The following YLPM1 variants were observed in gnomAD, a reference collection of about 807,000 sequenced individuals.
YLPM1 encodes YLP motif containing 1.
In YLPM1, 99 loss-of-function variants were observed where a neutral mutation model predicts 230.0. The ratio of observed to expected loss-of-function variants is 0.43; its 90% CI spans 0.37 to 0.51. YLPM1 has a LOEUF of 0.51. Among genes scored for constraint, YLPM1 ranks in the 20% least tolerant of loss-of-function variants. The pLI is 0.00. For synonymous variants in YLPM1, 984 were observed against 942.5 expected (o/e 1.04, Z -0.81); for missense variants, 2,592 against 2,707.7 (o/e 0.96, Z 0.95).
intron 1 of YLPM1, among the ~76,000 whole-genome samples, chr14:74,778,187 A>G (rs943923347): frequency 1.3e-5 from 2 of 152,208 alleles, no homozygotes; most frequent in Non-Finnish European, 2.9e-5. Context: ...CTCCAAAAGC[A>G]TGTGTTTTAT....
Position 74,812,795 on chromosome 14 carries a change from A to G in YLPM1, c.5502+13A>G. On this transcript the variant is annotated intron_variant, in intron 11 of 20. Coordinates refer to ENST00000325680, the MANE Select transcript of YLPM1 (RefSeq NM_019589.3). ...CAGACCTGAGAGAGTGAGTCCTATGAAGTTGATTCGTCTTCGTGCAAACCA... is the reference window on the plus strand; with the variant it reads ...CAGACCTGAGAGAGTGAGTCCTATGGAGTTGATTCGTCTTCGTGCAAACCA... 1 of 1,609,580 alleles carries G rather than the reference A, an allele frequency of 6.2e-7. No individual in the cohort carries two copies. The highest frequency in any genetic ancestry group is 8.5e-7 in the Non-Finnish European group (1 of 1,177,462).
rs376939594 is a variant in YLPM1, at chr14:74,802,542, T to A, written c.4401-14T>A. 10 of 1,607,242 alleles carry A rather than the reference T, an allele frequency of 6.2e-6. No homozygotes were observed. The highest frequency in any genetic ancestry group is 8.5e-6 in the Non-Finnish European group (10 of 1,177,858). On this transcript the variant is annotated splice_polypyrimidine_tract_variant and intron_variant, in intron 5 of 20. Transcript: ENST00000325680. ...GCATGCTTTATGTACTATGTCAATT[T>A]TATTTGTTTGCAGGGAACAGAAAGA...
At chr14:74,802,775 C>T in intron 6 of YLPM1, 99 bp downstream of exon 6, 1 of 1,395,274 alleles carries the variant, frequency 7.2e-7, no homozygotes, top group East Asian at 2.6e-5. Context: ...AACAAATTTC[C>T]TCTATAAAAT....
intron 8 of YLPM1, 27 bp from the exon 9 acceptor site, chr14:74,810,198 G>A (rs371376832): frequency 3.1e-6 from 5 of 1,604,022 alleles, no homozygotes; most frequent in Admixed American, 3.4e-5. Context: ...AAGGGATATA[G>A]TTATTTTGTA....
At chr14:74,765,061 C>T (rs1410765814) in intron 1 of YLPM1, among the ~76,000 whole-genome samples, 1 of 152,090 alleles carries the variant, frequency 6.6e-6, no homozygotes, top group African/African-American at 2.4e-5. Flanking sequence ...ATTGTCATTA[C>T]CATTCACTCC....
At chr14:74,796,968 C>G (rs1269859716) in intron 4 of YLPM1, among the ~76,000 whole-genome samples, 1 of 88,952 alleles carries the variant, frequency 1.1e-5, no homozygotes, top group Non-Finnish European at 2.1e-5. Flanking sequence ...TTTATAATTG[C>G]TTTTTTTTTT....
chr14:74,825,509 A>G (rs1275049425), intron 18 of YLPM1, among the ~76,000 whole-genome samples: 2 of 152,140 alleles, frequency 1.3e-5, no homozygotes, highest in Non-Finnish European at 2.9e-5. Context: ...TCTTCCAGAG[A>G]CCCTTAAAGC....
rs372365676 is a variant in YLPM1, at chr14:74,798,872, C to T, written c.3575C>T (p.Pro1192Leu). The change falls in exon 5 of 21, where the codon CCA becomes CTA. Residue 1192 changes from proline to leucine, a missense_variant. Around this residue, in one of 4 missense-constraint regions of YLPM1, gnomAD observed 1,862 missense variants for 1,819.8 expected, o/e 1.02. Transcript: ENST00000325680. ...PYHRDEPPRA[P>L]WNHGEERGHE... ...CACCGGGATGAGCCTCCTAGGGCTCCATGGAACCATGGAGAAGAGCGAGGG... is the reference window on the plus strand; with the variant it reads ...CACCGGGATGAGCCTCCTAGGGCTCTATGGAACCATGGAGAAGAGCGAGGG... 3.7e-6 allele frequency: 6 copies of T among 1,613,776 alleles called. No homozygotes were observed. The highest frequency in any genetic ancestry group is 5.1e-6 in the Non-Finnish European group (6 of 1,179,830).
In YLPM1 at chr14:74,818,245, G is replaced by T; in HGVS notation, c.5961G>T (p.Trp1987Cys). ...LKEINKMADHWETAPRHMMRL... is the reference protein window; with the variant it reads ...LKEINKMADHCETAPRHMMRL... The stretch of plus-strand genomic sequence containing the variant: ...TTTTTCAATAGATGGCTGATCACTG[G>T]GAAACTGCACCTCGTCACATGATGC... Residue 1987 changes from tryptophan to cysteine, a missense_variant, in exon 16 of 21, where the codon TGG becomes TGT. Trp to Cys is a radical substitution (Grantham distance 215). Coordinates refer to ENST00000325680, the MANE Select transcript of YLPM1 (RefSeq NM_019589.3). 6.2e-7 allele frequency: 1 copy of T among 1,601,732 alleles called. No individual in the cohort carries two copies.
Position 74,763,794 on chromosome 14 carries a change from C to A in YLPM1, c.305C>A (p.Pro102Gln). 6.6e-7 allele frequency: 1 copy of A among 1,509,544 alleles called. No individual in the cohort carries two copies. Among genetic ancestry groups the A allele is most frequent in the South Asian group, 1.3e-5 (1 of 74,948 alleles). The allele number at this position is 1,509,544 out of a possible 1,614,324, so 93.5% of individuals were successfully genotyped here. A position where few individuals can be genotyped will look rare whatever the true frequency, so the allele number is the denominator to read the frequency against. The change falls in exon 1 of 21, where the codon CCG (proline) becomes CAG (glutamine). Residue 102 changes from proline (P) to glutamine (Q), a missense_variant. By Grantham distance (76) the Pro-to-Gln change is moderately conservative (BLOSUM62 -1). Around this residue, in one of 4 missense-constraint regions of YLPM1, gnomAD observed 1,862 missense variants for 1,819.8 expected, o/e 1.02. Coordinates refer to ENST00000325680, the MANE Select transcript of YLPM1 (RefSeq NM_019589.3). The stretch of plus-strand genomic sequence containing the variant: ...GGGGGCGGCTACGGAGACTGGCAGC[C>A]GCCACCGCCACCGATGCCCCCGCCA... ...MPGGGYGDWQ[P>Q]PPPPMPPPPG... is the part of the protein sequence containing the mutation.
At chr14:74,777,575 A>T (rs2091054131) in intron 1 of YLPM1, among the ~76,000 whole-genome samples, 1 of 152,018 alleles carries the variant, frequency 6.6e-6, no homozygotes, top group African/African-American at 2.4e-5. Context: ...TCAAAAAAAA[A>T]AAAATAAATA....
chr14:74,832,947 T>C (rs1001041859), intron 19 of YLPM1, among the ~76,000 whole-genome samples: 1 of 148,254 alleles, frequency 6.7e-6, no homozygotes, highest in African/African-American at 2.6e-5. Context: ...TATTTAACTA[T>C]GTGCTGAGGT....
At chr14:74,815,838 G>T (rs912667455) in intron 11 of YLPM1, among the ~76,000 whole-genome samples, 1 of 151,996 alleles carries the variant, frequency 6.6e-6, no homozygotes, top group East Asian at 1.9e-4. Flanking sequence ...GTAAGCTTTG[G>T]TGTGTTGTGT....
Position 74,763,321 on chromosome 14 carries a change from C to A in YLPM1, c.-169C>A, listed in dbSNP as rs2090867022. 4.2e-6 allele frequency: 3 copies of A among 716,106 alleles called. No homozygotes were observed. The South Asian group carries it at 1.4e-4, about 34-fold the overall frequency. 44.4% of individuals were successfully genotyped at this position (716,106 alleles called of 1,614,324 possible). The stretch of plus-strand genomic sequence containing the variant: ...CGCCCAAGTCGCGTCCCCGCCTTCC[C>A]GGTCGCGGGCCCAGCTCGGGAGCGC... On this transcript the variant is annotated 5_prime_UTR_variant, in exon 1 of 21. Transcript: ENST00000325680.
chr14:74,770,223 G>A (rs1426548791), intron 1 of YLPM1, among the ~76,000 whole-genome samples: 1 of 151,030 alleles, frequency 6.6e-6, no homozygotes, highest in Non-Finnish European at 1.5e-5. Flanking sequence ...TTGCATGCCT[G>A]TAGTGCCGGC....
intron 17 of YLPM1, among the ~76,000 whole-genome samples, chr14:74,822,648 G>T (rs2091531157): frequency 6.6e-6 from 1 of 152,110 alleles, no homozygotes; most frequent in Non-Finnish European, 1.5e-5. Flanking sequence ...CCCATTCAAA[G>T]ATGCAGAATT....
intron 4 of YLPM1, among the ~76,000 whole-genome samples, chr14:74,793,677 A>G (rs2091230140): frequency 6.6e-6 from 1 of 152,220 alleles, no homozygotes; most frequent in Admixed American, 6.5e-5. Flanking sequence ...CATGGAAGAC[A>G]CTGACAAACT....
At chr14:74,775,158 T>G (rs1594810338) in intron 1 of YLPM1, among the ~76,000 whole-genome samples, 1 of 152,308 alleles carries the variant, frequency 6.6e-6, no homozygotes, top group East Asian at 1.9e-4. Context: ...GAGATGGAAT[T>G]TATTCTTCCC....
intron 10 of YLPM1, among the ~76,000 whole-genome samples, chr14:74,811,943 A>G (rs145134459): frequency 6.6e-6 from 1 of 152,342 alleles, no homozygotes; most frequent in East Asian, 1.9e-4. Context: ...AAAATTACTG[A>G]TAGTCTCACT....
Sources: gnomAD v4.1 joint callset for allele counts (sites outside exome capture counted in the v4.1 genomes callset) on GRCh38, gnomAD v4.1.1 for gene constraint, gnomAD v4.1.1 regional missense constraint, MANE v1.5 for transcripts, NCBI Gene and HGNC (gene_info 2026-07-23, HGNC 2026-07-21) for gene names.